GPC3: variants seen among roughly 807,000 people sequenced by gnomAD.
The protein encoded by GPC3 is glypican 3, also known as glypican-3.
In GPC3, 3 loss-of-function variants were observed where a neutral mutation model predicts 34.4. The observed-to-expected ratio is 0.09, with a 90% CI of 0.04 to 0.23. GPC3 has a LOEUF of 0.23. Ranked by LOEUF, GPC3 falls within the 10% of genes least tolerant of loss-of-function variation. GPC3 has a pLI of 1.00. For synonymous variants in GPC3, 177 were observed against 174.0 expected, an observed-to-expected ratio of 1.02 and a Z score of -0.13; for missense variants, 351 against 445.6, an observed-to-expected ratio of 0.79 and a Z score of 1.91.
intron 7 of GPC3, among the ~76,000 whole-genome samples, chrX:133,550,320 A>G (rs757557781): frequency 6.3e-5 from 7 of 110,895 alleles, no homozygotes; most frequent in Non-Finnish European, 1.3e-4. Context: ...CGGCCCCACA[A>G]TTGTATCTTT....
chrX:133,852,985 CAAAAAAAAAAA>C (rs33927142), intron 2 of GPC3, among the ~76,000 whole-genome samples: 1 of 42,111 alleles, frequency 2.4e-5, no homozygotes, highest in African/African-American at 9.1e-5. Context: ...TTTTAAATTC[CAAAAAAAAAAA>C]AAAAAAAAAA....
intron 7 of GPC3, among the ~76,000 whole-genome samples, chrX:133,595,180 A>G (rs2069898829): frequency 8.9e-6 from 1 of 111,904 alleles, no homozygotes; most frequent in Admixed American, 9.5e-5. Context: ...AGGTAGGATT[A>G]GGAAGAAGAA....
At chrX:133,799,089 A>T (rs1313088445) in intron 2 of GPC3, among the ~76,000 whole-genome samples, 1 of 112,247 alleles carries the variant, frequency 8.9e-6, no homozygotes, top group African/African-American at 3.2e-5. Flanking sequence ...GTGACTGCAC[A>T]GTTGCACGAT....
chrX:133,773,143 C>T (rs1603244730), intron 2 of GPC3, among the ~76,000 whole-genome samples: 1 of 111,551 alleles, frequency 9.0e-6, no homozygotes, highest in East Asian at 2.8e-4. Context: ...ACTGCAACCT[C>T]CACCTCCTGA....
At chrX:133,757,033 G>A (rs1175334109) in intron 2 of GPC3, among the ~76,000 whole-genome samples, 1 of 112,445 alleles carries the variant, frequency 8.9e-6, no homozygotes, top group Non-Finnish European at 1.9e-5. Flanking sequence ...CAGATAATAA[G>A]GTACACTTCA....
chrX:133,746,338 T>A (rs1191350350), intron 3 of GPC3, among the ~76,000 whole-genome samples: 3 of 112,306 alleles, frequency 2.7e-5, no homozygotes, highest in Non-Finnish European at 3.8e-5. Flanking sequence ...TATAAGCAAC[T>A]GGCGATTATG....
At chrX:133,570,830 C>T (rs1036485073) in intron 7 of GPC3, among the ~76,000 whole-genome samples, 2 of 110,892 alleles carry the variant, frequency 1.8e-5, no homozygotes, top group Non-Finnish European at 3.8e-5. Context: ...CCAGTGTACC[C>T]AATTTTATTA....
intron 5 of GPC3, among the ~76,000 whole-genome samples, chrX:133,662,865 CT>C (rs199947953): frequency 1.9e-4 from 20 of 107,166 alleles, no homozygotes; most frequent in East Asian, 5.8e-4. Flanking sequence ...TCATTATATA[CT>C]TTTTTTTTTC....
chrX:133,734,452 C>A (rs2071490235), intron 3 of GPC3, among the ~76,000 whole-genome samples: 1 of 110,467 alleles, frequency 9.1e-6, no homozygotes, highest in Non-Finnish European at 1.9e-5. Context: ...TGGGAAAAGA[C>A]TGAGGCTTTT....
chrX:133,603,914 G>A (rs1461905871), intron 6 of GPC3, among the ~76,000 whole-genome samples: 1 of 111,648 alleles, frequency 9.0e-6, no homozygotes, highest in African/African-American at 3.3e-5. Flanking sequence ...TGTTCGGAGA[G>A]GGATCAAATA....
intron 4 of GPC3, among the ~76,000 whole-genome samples, chrX:133,694,945 A>G (rs1283186477): frequency 9.0e-6 from 1 of 111,198 alleles, no homozygotes; most frequent in Non-Finnish European, 1.9e-5. Flanking sequence ...TATTACCTGG[A>G]AGGGTCAAGA....
At chrX:133,897,545 G>A (rs901871987) in intron 2 of GPC3, among the ~76,000 whole-genome samples, 1 of 110,191 alleles carries the variant, frequency 9.1e-6, no homozygotes, top group Non-Finnish European at 1.9e-5. Context: ...TCTGCCTATA[G>A]CAGCAGTCAG....
intron 2 of GPC3, among the ~76,000 whole-genome samples, chrX:133,790,432 A>T (rs1230577536): frequency 9.1e-6 from 1 of 109,704 alleles, no homozygotes; most frequent in East Asian, 2.9e-4. Flanking sequence ...TTCATTTCAA[A>T]CTCTCATTTT....
At chrX:133,650,449 ACACC>A (rs1309043540) in intron 6 of GPC3, among the ~76,000 whole-genome samples, 8 of 93,597 alleles carry the variant, frequency 8.5e-5, no homozygotes, top group Admixed American at 4.3e-4. Flanking sequence ...ACACACCCAC[ACACC>A]CACCCACACA....
At chrX:133,893,440 G>T (rs2076097105) in intron 2 of GPC3, among the ~76,000 whole-genome samples, 1 of 108,310 alleles carries the variant, frequency 9.2e-6, no homozygotes. Context: ...TTTAATTTTT[G>T]TCTTTTATTT....
At chrX:133,567,750 G>A (rs1253593953) in intron 7 of GPC3, among the ~76,000 whole-genome samples, 2 of 112,037 alleles carry the variant, frequency 1.8e-5, no homozygotes, top group African/African-American at 6.5e-5. Flanking sequence ...AGAATGGAGA[G>A]AGGCCCAAAT....
chrX:133,854,716 AT>A (rs2075891804), intron 2 of GPC3, among the ~76,000 whole-genome samples: 1 of 112,568 alleles, frequency 8.9e-6, no homozygotes, highest in Non-Finnish European at 1.9e-5. Flanking sequence ...AAACAATGAG[AT>A]TCCATCATTC....
intron 7 of GPC3, among the ~76,000 whole-genome samples, chrX:133,582,011 C>A (rs1403250936): frequency 9.0e-6 from 1 of 111,415 alleles, no homozygotes; most frequent in African/African-American, 3.3e-5. Context: ...ATAAATCAAG[C>A]CCTGATTTGT....
intron 3 of GPC3, among the ~76,000 whole-genome samples, chrX:133,746,481 T>A (rs747500163): frequency 8.9e-6 from 1 of 112,552 alleles, no homozygotes; most frequent in East Asian, 2.8e-4. Flanking sequence ...TTTTGAAACC[T>A]ACCATAAAGT....
Sources: allele counts gnomAD v4.1 joint callset (sites outside exome capture counted in the v4.1 genomes callset), GRCh38; gene constraint gnomAD v4.1.1; transcripts MANE v1.5; gene names NCBI Gene and HGNC (gene_info 2026-07-23, HGNC 2026-07-21).